Variants in HACD2 observed in about 807,000 individuals in gnomAD.
HACD2 encodes 3-hydroxyacyl-CoA dehydratase 2.
HACD2 carries 15 observed loss-of-function variants against 31.0 expected under a neutral mutation model. That is an observed-to-expected ratio of 0.48 (90% CI 0.32 to 0.75). The LOEUF is 0.75. Among genes scored for constraint, HACD2 ranks in the 30% least tolerant of loss-of-function variants. The pLI is 0.03. For synonymous variants in HACD2, 115 were observed against 122.2 expected (o/e 0.94, Z 0.39); for missense variants, 283 against 313.0 (o/e 0.90, Z 0.72).
chr3:123,528,335 T>A (rs373438820), intron 4 of HACD2, 51 bp downstream of exon 4: 15 of 1,082,170 alleles, frequency 1.4e-5, no homozygotes, highest in African/African-American at 4.7e-5. Flanking sequence ...TCAGAAAAGT[T>A]GACTAGTGTT....
intron 3 of HACD2, among the ~76,000 whole-genome samples, chr3:123,551,900 T>C (rs991359283): frequency 6.6e-6 from 1 of 152,194 alleles, no homozygotes; most frequent in African/African-American, 2.4e-5. Context: ...CAAAAATCTA[T>C]ACAGATCAAC....
chr3:123,500,600 T>C lies in HACD2; in HGVS notation c.597A>G (p.Leu199=). The C allele has an allele frequency of 6.2e-7, 1 of 1,612,862 alleles. No individual in the cohort carries two copies. Among genetic ancestry groups the C allele is most frequent in the Non-Finnish European group, 8.5e-7 (1 of 1,178,898 alleles). The part of the protein sequence containing the change: ...AALPFVRQAG[L]YSISLPNKYN... ...ATTTGTTGGGTAAACTGATGGAATA[T>C]AGGCCAGCTTGTCTGACAAAGGGCA... is the stretch of plus-strand genomic sequence containing the variant. The change falls in exon 6 of 7, where the codon CTA becomes CTG. Residue 199 remains leucine, a synonymous_variant. Transcript: ENST00000383657.
chr3:123,568,348 A>T (rs1018492631), intron 2 of HACD2, among the ~76,000 whole-genome samples: 2 of 152,218 alleles, frequency 1.3e-5, no homozygotes, highest in Non-Finnish European at 2.9e-5. Flanking sequence ...GCCTCTGGAC[A>T]GCTCCATCTG....
intron 3 of HACD2, among the ~76,000 whole-genome samples, chr3:123,567,097 G>T (rs920426347): frequency 2.0e-5 from 3 of 152,280 alleles, no homozygotes; most frequent in Middle Eastern, 3.4e-3. Context: ...CATACCTGGA[G>T]TGCACAGCAA....
chr3:123,552,769 T>C (rs761537353), intron 3 of HACD2, among the ~76,000 whole-genome samples: 26 of 151,608 alleles, frequency 1.7e-4, no homozygotes, highest in Non-Finnish European at 2.9e-5. Context: ...GAACAAAAAA[T>C]TGATTAAATT....
At chr3:123,582,428 T>C in intron 1 of HACD2, 99 bp from the exon 2 acceptor site, 1 of 720,036 alleles carries the variant, frequency 1.4e-6, no homozygotes, top group Non-Finnish European at 2.2e-6. Context: ...TTGCTAAAGG[T>C]GACCTCAAGC....
chr3:123,529,113 T>A (rs968613544), intron 3 of HACD2, among the ~76,000 whole-genome samples: 2 of 152,162 alleles, frequency 1.3e-5, no homozygotes, highest in East Asian at 3.9e-4. Context: ...TCTTTATTTA[T>A]TTTTTGAGAC....
At chr3:123,549,848 A>G (rs1185712204) in intron 3 of HACD2, among the ~76,000 whole-genome samples, 2 of 151,780 alleles carry the variant, frequency 1.3e-5, no homozygotes, top group Non-Finnish European at 2.9e-5. Context: ...GATATCTTTT[A>G]TTAGGTTTGA....
intron 1 of HACD2, among the ~76,000 whole-genome samples, chr3:123,583,875 C>T (rs1377880213): frequency 6.6e-6 from 1 of 152,074 alleles, no homozygotes; most frequent in Non-Finnish European, 1.5e-5. Context: ...CATTTTTAAC[C>T]CTAACAATGT....
chr3:123,515,735 A>G (rs928475317), intron 4 of HACD2, among the ~76,000 whole-genome samples: 5 of 151,938 alleles, frequency 3.3e-5, no homozygotes, highest in African/African-American at 7.3e-5. Context: ...AAAAAAAAAG[A>G]TATTTGGATG....
At chr3:123,564,726 G>A (rs548901052) in intron 3 of HACD2, among the ~76,000 whole-genome samples, 1 of 152,258 alleles carries the variant, frequency 6.6e-6, no homozygotes, top group South Asian at 2.1e-4. Context: ...GGGAAATACA[G>A]GGTCAATGGC....
chr3:123,525,657 C>G (rs747480978), intron 4 of HACD2, among the ~76,000 whole-genome samples: 3 of 152,096 alleles, frequency 2.0e-5, no homozygotes, highest in Non-Finnish European at 4.4e-5. Flanking sequence ...GGGGGTGGAG[C>G]AGGAGTCCAA....
At chr3:123,569,254 A>G (rs2056827149) in intron 2 of HACD2, among the ~76,000 whole-genome samples, 1 of 152,196 alleles carries the variant, frequency 6.6e-6, no homozygotes, top group Non-Finnish European at 1.5e-5. Context: ...GATAAGCTAC[A>G]CCTCCTGCTG....
intron 6 of HACD2, 22 bp from the exon 7 acceptor site, chr3:123,494,992 GT>G: frequency 6.8e-7 from 1 of 1,468,710 alleles, no homozygotes; most frequent in East Asian, 2.5e-5. Flanking sequence ...AGAAAAATTG[GT>G]TAAGAGGATG....
intron 3 of HACD2, among the ~76,000 whole-genome samples, chr3:123,540,583 A>C (rs1368387261): frequency 6.6e-6 from 1 of 152,238 alleles, no homozygotes; most frequent in Non-Finnish European, 1.5e-5. Context: ...GTCAATTGTA[A>C]GTCATGGAAA....
intron 3 of HACD2, among the ~76,000 whole-genome samples, chr3:123,562,482 T>C (rs1326886342): frequency 2.0e-5 from 3 of 151,502 alleles, no homozygotes; most frequent in Non-Finnish European, 4.4e-5. Flanking sequence ...TATATATATC[T>C]AAATATTGAA....
chr3:123,529,502 A>C (rs1220873903), intron 3 of HACD2, among the ~76,000 whole-genome samples: 1 of 152,212 alleles, frequency 6.6e-6, no homozygotes, highest in Non-Finnish European at 1.5e-5. Flanking sequence ...AAGCAGGAGA[A>C]TTGCTTGAGT....
At chr3:123,573,092 G>A (rs375776455) in intron 2 of HACD2, among the ~76,000 whole-genome samples, 2 of 152,044 alleles carry the variant, frequency 1.3e-5, no homozygotes, top group East Asian at 1.9e-4. Flanking sequence ...CTTGTTTTAC[G>A]GTGCAGAGGT....
chr3:123,507,882 T>C (rs1012471474), intron 4 of HACD2, among the ~76,000 whole-genome samples: 21 of 152,260 alleles, frequency 1.4e-4, no homozygotes, highest in African/African-American at 5.1e-4. Context: ...ATTTTGTAAA[T>C]TATACTTCTG....
Sources: gnomAD v4.1 joint callset for allele counts (sites outside exome capture counted in the v4.1 genomes callset) on GRCh38, gnomAD v4.1.1 for gene constraint, MANE v1.5 for transcripts, NCBI Gene and HGNC (gene_info 2026-07-23, HGNC 2026-07-21) for gene names.